Variants in CAB39L observed in about 807,000 individuals in gnomAD.
CAB39L encodes calcium-binding protein 39-like.
In CAB39L, 23 loss-of-function variants were observed where a neutral mutation model predicts 39.1. The observed-to-expected ratio is 0.59, with a 90% confidence interval of 0.42 to 0.83. The LOEUF is 0.83. Ranked by LOEUF, CAB39L falls within the 40% of genes least tolerant of loss-of-function variation. The pLI is 0.00. For synonymous variants in CAB39L, 126 were observed against 137.2 expected, an observed-to-expected ratio of 0.92 and a Z score of 0.57; for missense variants, 366 against 391.9, an observed-to-expected ratio of 0.93 and a Z score of 0.56.
At chr13:49,441,558 T>C (rs533248053) in intron 1 of CAB39L, among the ~76,000 whole-genome samples, 1 of 152,078 alleles carries the variant, frequency 6.6e-6, no homozygotes, top group East Asian at 1.9e-4. Flanking sequence ...CATAGCGAGA[T>C]CCCATCTCTA....
chr13:49,429,122 C>A (rs902566464), intron 3 of CAB39L, among the ~76,000 whole-genome samples: 1 of 152,092 alleles, frequency 6.6e-6, no homozygotes, highest in African/African-American at 2.4e-5. Context: ...ATTATGTTAG[C>A]CCCACTTTAC....
chr13:49,372,595 A>G (rs975395572), intron 5 of CAB39L, among the ~76,000 whole-genome samples: 3 of 151,854 alleles, frequency 2.0e-5, no homozygotes, highest in African/African-American at 7.3e-5. Context: ...GCAACTGCTT[A>G]TTTTTTCAGC....
At chr13:49,357,125 C>G (rs1361905883) in intron 6 of CAB39L, among the ~76,000 whole-genome samples, 1 of 151,932 alleles carries the variant, frequency 6.6e-6, no homozygotes, top group Non-Finnish European at 1.5e-5. Flanking sequence ...TCCTCAGGAG[C>G]ATCAACAATT....
At chr13:49,361,477 C>CAA (rs33984866) in intron 5 of CAB39L, among the ~76,000 whole-genome samples, 11,876 of 54,264 alleles carry the variant, frequency 0.22, 1,378 homozygotes, top group Non-Finnish European at 0.26. Flanking sequence ...GACTTCATCT[C>CAA]AAAAAAAAAA....
intron 10 of CAB39L, among the ~76,000 whole-genome samples, chr13:49,317,390 T>G (rs1954189629): frequency 6.6e-6 from 1 of 151,854 alleles, no homozygotes; most frequent in South Asian, 2.1e-4. Flanking sequence ...ATTAGCCAGG[T>G]GCCGTAGTGC....
chr13:49,430,353 C>A (rs558857175), intron 3 of CAB39L, among the ~76,000 whole-genome samples: 2 of 152,120 alleles, frequency 1.3e-5, no homozygotes, highest in African/African-American at 2.4e-5. Flanking sequence ...GTAAGGCATA[C>A]GTAAACATTA....
intron 4 of CAB39L, among the ~76,000 whole-genome samples, chr13:49,380,947 G>C (rs1956241437): frequency 1.3e-5 from 2 of 152,116 alleles, no homozygotes; most frequent in African/African-American, 4.8e-5. Flanking sequence ...TTATTTTTAA[G>C]ATGGAGTTTT....
At chr13:49,390,913 GA>G (rs1279192440) in intron 3 of CAB39L, among the ~76,000 whole-genome samples, 2 of 102,486 alleles carry the variant, frequency 2.0e-5, no homozygotes, top group Non-Finnish European at 4.0e-5. Flanking sequence ...TAAAGGAAAA[GA>G]AAAAAACAGA....
At chr13:49,346,100 G>GATATATATATATATAT (rs370368670) in intron 7 of CAB39L, among the ~76,000 whole-genome samples, 648 of 30,812 alleles carry the variant, frequency 0.021, 58 homozygotes, top group African/African-American at 0.045. Flanking sequence ...ATATATGCTA[G>GATATATATATATATAT]ATATATATAT....
At chr13:49,436,388 A>G (rs1056890784) in intron 1 of CAB39L, among the ~76,000 whole-genome samples, 2 of 151,980 alleles carry the variant, frequency 1.3e-5, no homozygotes, top group African/African-American at 4.8e-5. Flanking sequence ...TAGGAACTCT[A>G]CTTTTACTTA....
At chr13:49,421,495 A>G (rs892666378) in intron 3 of CAB39L, among the ~76,000 whole-genome samples, 1 of 151,994 alleles carries the variant, frequency 6.6e-6, no homozygotes, top group Admixed American at 6.6e-5. Context: ...AGTGGAGACC[A>G]CTTTAGGAGC....
intron 7 of CAB39L, among the ~76,000 whole-genome samples, chr13:49,346,122 T>TATATATATATATATATATA (rs1566079395): frequency 1.7e-5 from 2 of 118,862 alleles, no homozygotes; most frequent in East Asian, 5.7e-4. Flanking sequence ...TATATATATA[T>TATATATATATATATATATA]ATCATGGATA....
intron 1 of CAB39L, among the ~76,000 whole-genome samples, chr13:49,436,523 T>G (rs1957417286): frequency 6.6e-6 from 1 of 150,906 alleles, no homozygotes; most frequent in African/African-American, 2.4e-5. Context: ...TTATGTACCT[T>G]GGAATTTAGC....
chr13:49,404,724 CAAAG>C (rs2138665881), intron 3 of CAB39L, among the ~76,000 whole-genome samples: 1 of 152,124 alleles, frequency 6.6e-6, no homozygotes, highest in South Asian at 2.1e-4. Flanking sequence ...GATAATATAA[CAAAG>C]AGACTGAAAT....
intron 3 of CAB39L, chr13:49,413,067 T>TA (rs1957022809): frequency 6.6e-6 from 1 of 152,182 alleles, no homozygotes; most frequent in African/African-American, 2.4e-5. Flanking sequence ...AGGTCTGTGA[T>TA]AAAAGATCTG....
intron 3 of CAB39L, among the ~76,000 whole-genome samples, chr13:49,426,794 T>C (rs180687763): frequency 2.4e-3 from 368 of 152,348 alleles, no homozygotes; most frequent in Non-Finnish European, 4.0e-3. Context: ...ACTCTTGAGT[T>C]ACTTTTCTCT....
In CAB39L at chr13:49,423,504, G is replaced by A. The variant is rs570028495; in HGVS notation, c.-32+9814C>T. ...AGGCCAAGGTGGGAGGATCACTTGA[G>A]GCCAGGAGTTCCAGAGCAGCCTGGG... On this transcript the variant is annotated intron_variant, in intron 3 of 10. Transcript: ENST00000409308. Among the ~76,000 whole-genome samples the A allele has an allele frequency of 8.2e-4, 125 of 152,146 alleles. 1 individual carries two copies. The highest frequency in any genetic ancestry group is 3.4e-3 in the Middle Eastern group (1 of 294).
chr13:49,402,238 G>C (rs566589715), intron 3 of CAB39L, among the ~76,000 whole-genome samples: 5 of 152,206 alleles, frequency 3.3e-5, no homozygotes, highest in African/African-American at 9.6e-5. Flanking sequence ...AATTATTAAA[G>C]TGATTATACA....
intron 3 of CAB39L, among the ~76,000 whole-genome samples, chr13:49,395,528 G>A (rs977601603): frequency 1.3e-5 from 2 of 151,984 alleles, no homozygotes; most frequent in Non-Finnish European, 2.9e-5. Context: ...CACCACGCCT[G>A]GCCTGTCATG....
Sources: gnomAD v4.1 joint callset for allele counts (sites outside exome capture counted in the v4.1 genomes callset) on GRCh38, gnomAD v4.1.1 for gene constraint, MANE v1.5 for transcripts, NCBI Gene and HGNC (gene_info 2026-07-23, HGNC 2026-07-21) for gene names.